The following FBXL18 variants were observed in gnomAD, a reference collection of about 807,000 sequenced individuals.
The protein encoded by FBXL18 is F-box and leucine rich repeat protein 18, also known as F-box/LRR-repeat protein 18.
FBXL18 carries 36 observed loss-of-function variants against 46.0 expected under a neutral mutation model. That is an observed-to-expected ratio of 0.78 (90% CI 0.60 to 1.03). The LOEUF (loss-of-function observed/expected upper bound fraction) is 1.03, where lower values mean the gene tolerates loss of function less well. Among genes scored for constraint, FBXL18 ranks in the 50% least tolerant of loss-of-function variants. The pLI, the probability that FBXL18 is intolerant of heterozygous loss-of-function variation, is 0.00. For missense variants in FBXL18, 977 were observed against 1,004.1 expected, an observed-to-expected ratio of 0.97 and a Z score of 0.36; for synonymous variants, 557 against 465.3, an observed-to-expected ratio of 1.20 and a Z score of -2.54.
intron 4 of FBXL18, among the ~76,000 whole-genome samples, chr7:5,486,807 C>G (rs1783788473): frequency 6.6e-6 from 1 of 152,210 alleles, no homozygotes. Flanking sequence ...AGCCACGACA[C>G]CGGCCGGCCC....
chr7:5,462,305 CA>C (rs1783258778), intron 4 of FBXL18, among the ~76,000 whole-genome samples: 1 of 152,180 alleles, frequency 6.6e-6, no homozygotes, highest in African/African-American at 2.4e-5. Context: ...TCTCATTTTA[CA>C]GAGAAAAAAT....
intron 4 of FBXL18, among the ~76,000 whole-genome samples, chr7:5,461,333 G>A (rs1315060456): frequency 3.9e-5 from 6 of 152,156 alleles, no homozygotes; most frequent in Admixed American, 6.6e-5. Flanking sequence ...TTGGCAGGCT[G>A]AGGCCAGAGG....
At chr7:5,488,460 TC>T (rs59986931) in intron 4 of FBXL18, among the ~76,000 whole-genome samples, 3,928 of 152,202 alleles carry the variant, frequency 0.026, 175 homozygotes, top group African/African-American at 0.088. Flanking sequence ...GTGGACGTTC[TC>T]CGCTGCAGCA....
chr7:5,509,422 G>A (rs1252441260), intron 1 of FBXL18, among the ~76,000 whole-genome samples: 3 of 152,010 alleles, frequency 2.0e-5, no homozygotes, highest in East Asian at 3.9e-4. Context: ...GGACAGGCGC[G>A]GTGGCTCACG....
chr7:5,477,420 G>A lies in FBXL18; in HGVS notation c.*4355C>T, dbSNP rs1783541530. On this transcript the variant is annotated 3_prime_UTR_variant, in exon 5 of 5. Transcript: ENST00000382368. This position sits in a 1 kb window ranked among gnomAD's most constrained non-coding sequence, Gnocchi z 4.4. ...CGTTTTCTTACAAGAGCTCTGTAAT[G>A]CGCCAGGCACGGTGGCTCACACCTG... is the stretch of plus-strand genomic sequence containing the variant. 6.6e-6 allele frequency among the ~76,000 whole-genome samples: 1 copy of A among 152,064 alleles called. No individual in the cohort carries two copies. The highest frequency in any genetic ancestry group is 2.4e-5 in the African/African-American group (1 of 41,426).
downstream of FBXL18, among the ~76,000 whole-genome samples, chr7:5,474,863 A>G (rs1301908612): frequency 2.0e-5 from 3 of 150,144 alleles, no homozygotes; most frequent in African/African-American, 4.9e-5. Flanking sequence ...GCCCGCCACC[A>G]CGCCCAGCTA....
intron 4 of FBXL18, chr7:5,489,344 G>C (rs763577085): frequency 1.9e-6 from 1 of 518,446 alleles, no homozygotes; most frequent in Non-Finnish European, 3.9e-6. Context: ...TTAAAAATAG[G>C]TTGATGTTGG....
downstream of FBXL18, among the ~76,000 whole-genome samples, chr7:5,470,870 G>A (rs1341639135): frequency 6.6e-6 from 1 of 152,194 alleles, no homozygotes; most frequent in Non-Finnish European, 1.5e-5. Context: ...GGCGGTGGCT[G>A]AGAAAGGCTG....
At chr7:5,466,763 G>A (rs1056003513) in intron 4 of FBXL18, among the ~76,000 whole-genome samples, 2 of 152,162 alleles carry the variant, frequency 1.3e-5, no homozygotes, top group Non-Finnish European at 2.9e-5. Context: ...CTGGGCAGGA[G>A]GCAGGAGGGA....
At chr7:5,489,585 A>C (rs1031175514) in intron 4 of FBXL18, 40 of 226,964 alleles carry the variant, frequency 1.8e-4, no homozygotes, top group African/African-American at 8.8e-4. Flanking sequence ...CCTGGCCAAC[A>C]CAGTGAAACC....
At chr7:5,512,806 C>A (rs1784574224) in intron 1 of FBXL18, among the ~76,000 whole-genome samples, 1 of 152,134 alleles carries the variant, frequency 6.6e-6, no homozygotes, top group African/African-American at 2.4e-5. Context: ...TTCTAGGCCG[C>A]ATTCACTTCA....
chr7:5,502,988 C>T (rs1784305703), intron 2 of FBXL18, among the ~76,000 whole-genome samples: 1 of 152,204 alleles, frequency 6.6e-6, no homozygotes, highest in South Asian at 2.1e-4. Context: ...GCAACAGATT[C>T]ACAAGAAGCC....
chr7:5,457,645 A>G (rs1401697000), intron 4 of FBXL18, among the ~76,000 whole-genome samples: 3 of 152,214 alleles, frequency 2.0e-5, no homozygotes, highest in African/African-American at 7.2e-5. Context: ...GGGAGGGTCA[A>G]GCTGTATTTT....
At chr7:5,467,117 G>A (rs940057863) in intron 4 of FBXL18, among the ~76,000 whole-genome samples, 6 of 152,058 alleles carry the variant, frequency 3.9e-5, no homozygotes, top group Admixed American at 2.0e-4. Context: ...TTTGGGAGGC[G>A]AAGGCGGGCG....
rs1554321547 is a variant in FBXL18, at chr7:5,493,684, CGT to C, written c.1782-2237_1782-2236del. ...GTGTGTGTGCGTGCGTGCGTGCGTGCGTGTGTGTGTGTGGAGACAGGGGTCTC... is the reference window on the plus strand; with the variant it reads ...GTGTGTGTGCGTGCGTGCGTGCGTGCGTGTGTGTGTGGAGACAGGGGTCTC... On this transcript the variant is annotated intron_variant, in intron 3 of 4. Transcript: ENST00000382368. 1.8e-3 allele frequency among the ~76,000 whole-genome samples: 271 copies of C among 146,740 alleles called. 1 individual carries two copies. The Middle Eastern group carries it at 0.028, about 15-fold the overall frequency.
At chr7:5,483,181 C>T (rs952958064) in intron 4 of FBXL18, among the ~76,000 whole-genome samples, 1 of 152,176 alleles carries the variant, frequency 6.6e-6, no homozygotes, top group Non-Finnish European at 1.5e-5. Context: ...TGACTCACAC[C>T]TATAACCCCA....
At chr7:5,503,772 G>T (rs945943790) in intron 2 of FBXL18, among the ~76,000 whole-genome samples, 1 of 152,030 alleles carries the variant, frequency 6.6e-6, no homozygotes, top group African/African-American at 2.4e-5. Flanking sequence ...TTTGAGACCA[G>T]CCTGATCAAC....
intron 4 of FBXL18, among the ~76,000 whole-genome samples, chr7:5,458,618 A>G (rs778029531): frequency 1.3e-5 from 2 of 151,626 alleles, no homozygotes; most frequent in African/African-American, 2.4e-5. Flanking sequence ...GTATCGCTTA[A>G]CTCGGGAGGC....
At chr7:5,493,894 G>A (rs1419565461) in intron 3 of FBXL18, among the ~76,000 whole-genome samples, 1 of 152,062 alleles carries the variant, frequency 6.6e-6, no homozygotes, top group Non-Finnish European at 1.5e-5. Flanking sequence ...AGCACCTTGG[G>A]AGGCTGAGGC....
Sources: allele counts gnomAD v4.1 joint callset (sites outside exome capture counted in the v4.1 genomes callset), GRCh38; gene constraint gnomAD v4.1.1; non-coding constraint Gnocchi (gnomAD v3.1); transcripts MANE v1.5; gene names NCBI Gene and HGNC (gene_info 2026-07-23, HGNC 2026-07-21).